The following CADM1 variants were observed in gnomAD, a reference collection of about 807,000 sequenced individuals.
CADM1 encodes cell adhesion molecule 1.
Under a neutral mutation model 53.1 loss-of-function variants are expected in CADM1, and 15 were observed. That is an observed-to-expected ratio of 0.28 (90% CI 0.19 to 0.44). The LOEUF (loss-of-function observed/expected upper bound fraction) is 0.44. Ranked by LOEUF, CADM1 falls within the 20% of genes least tolerant of loss-of-function variation. CADM1 has a pLI of 1.00. For synonymous variants in CADM1, 281 were observed against 243.0 expected (o/e 1.16, Z -1.45); for missense variants, 434 against 611.3 (o/e 0.71, Z 3.06).
intron 1 of CADM1, among the ~76,000 whole-genome samples, chr11:115,410,952 A>C (rs1025014363): frequency 6.6e-6 from 1 of 152,190 alleles, no homozygotes; most frequent in African/African-American, 2.4e-5. Context: ...TAAATGAAAA[A>C]GCATATATAC....
At chr11:115,237,036 C>T (rs1942033280) in intron 3 of CADM1, among the ~76,000 whole-genome samples, 1 of 152,036 alleles carries the variant, frequency 6.6e-6, no homozygotes, top group Non-Finnish European at 1.5e-5. Context: ...TGTGGAAATG[C>T]CATAAACGAT....
chr11:115,496,486 T>TA (rs1167565851), intron 1 of CADM1, among the ~76,000 whole-genome samples: 1 of 152,132 alleles, frequency 6.6e-6, no homozygotes, highest in African/African-American at 2.4e-5. Context: ...AGCTGAAAAG[T>TA]AATAAGAAAT....
intron 1 of CADM1, among the ~76,000 whole-genome samples, chr11:115,341,409 A>G (rs972124962): frequency 1.6e-4 from 25 of 152,214 alleles, no homozygotes; most frequent in African/African-American, 5.3e-4. Flanking sequence ...TTTAAATAGG[A>G]TATTTATTCT....
intron 1 of CADM1, among the ~76,000 whole-genome samples, chr11:115,493,879 G>C (rs372428670): frequency 1.1e-3 from 163 of 152,190 alleles, no homozygotes; most frequent in African/African-American, 3.8e-3. Flanking sequence ...TGGCAAGCAG[G>C]GTAATGGTTC....
chr11:115,190,865 C>T, intron 10 of CADM1, 23 bp downstream of exon 10: 1 of 1,588,072 alleles, frequency 6.3e-7, no homozygotes, highest in South Asian at 1.1e-5. Context: ...ACTGCAGTGC[C>T]TTACCTAATG....
chr11:115,484,231 C>T (rs1362987945), intron 1 of CADM1, among the ~76,000 whole-genome samples: 1 of 152,196 alleles, frequency 6.6e-6, no homozygotes, highest in Admixed American at 6.5e-5. Context: ...GAACCATGCA[C>T]AGTCTTTCTG....
At chr11:115,277,578 A>G (rs1354828265) in intron 1 of CADM1, among the ~76,000 whole-genome samples, 1 of 152,208 alleles carries the variant, frequency 6.6e-6, no homozygotes, top group African/African-American at 2.4e-5. Flanking sequence ...AAGCTCTTCT[A>G]TTCTTCATAA....
At chr11:115,205,247 G>C (rs937866960) in intron 8 of CADM1, among the ~76,000 whole-genome samples, 4 of 151,982 alleles carry the variant, frequency 2.6e-5, no homozygotes, top group Non-Finnish European at 4.4e-5. Context: ...GATGCAACCA[G>C]GTACAAACAA....
At chr11:115,186,085 C>T (rs141707976) in intron 10 of CADM1, among the ~76,000 whole-genome samples, 2 of 152,332 alleles carry the variant, frequency 1.3e-5, no homozygotes, top group East Asian at 3.9e-4. Context: ...CAGCAGGATG[C>T]AGTTCAAACA....
chr11:115,372,611 C>A (rs1946336318), intron 1 of CADM1, among the ~76,000 whole-genome samples: 1 of 152,098 alleles, frequency 6.6e-6, no homozygotes, highest in Non-Finnish European at 1.5e-5. Context: ...AAAAGATTAT[C>A]AAAATTAATG....
At chr11:115,362,509 T>G (rs746081290) in intron 1 of CADM1, among the ~76,000 whole-genome samples, 6 of 152,234 alleles carry the variant, frequency 3.9e-5, no homozygotes. Flanking sequence ...AAAATAGTTT[T>G]AATTAACAGA....
chr11:115,222,284 C>A (rs1182176073), intron 5 of CADM1, among the ~76,000 whole-genome samples: 1 of 152,058 alleles, frequency 6.6e-6, no homozygotes, highest in East Asian at 1.9e-4. Context: ...AACGACAATG[C>A]AAAGATTAAC....
intron 1 of CADM1, among the ~76,000 whole-genome samples, chr11:115,342,512 T>C (rs1945475262): frequency 1.3e-5 from 2 of 152,174 alleles, no homozygotes; most frequent in African/African-American, 4.8e-5. Flanking sequence ...GGCTAGTATA[T>C]GCACTTAAAC....
At position 115,317,983 on chromosome 11, in the gene CADM1, TACACACACAC is replaced by T. The variant is rs35753948; in HGVS notation, c.125-77573_125-77564del. ...TTACATTATACATCCTATTACACAC[TACACACACAC>T]ACACACACACACACACACACACAAT... On this transcript the variant is annotated intron_variant, in intron 1 of 11. Coordinates refer to ENST00000331581, the MANE Select transcript of CADM1 (RefSeq NM_001301043.2). Among the ~76,000 whole-genome samples, 98 of 149,194 alleles carry T rather than the reference TACACACACAC, an allele frequency of 6.6e-4. No individual in the cohort carries two copies. In the Middle Eastern group the frequency reaches 0.01, roughly 16 times the overall value.
intron 1 of CADM1, among the ~76,000 whole-genome samples, chr11:115,277,724 G>A (rs1403124103): frequency 6.6e-6 from 1 of 152,160 alleles, no homozygotes; most frequent in Non-Finnish European, 1.5e-5. Flanking sequence ...AAATGACACT[G>A]ACTAGGCATT....
intron 1 of CADM1, among the ~76,000 whole-genome samples, chr11:115,484,034 A>G (rs1455168380): frequency 3.3e-5 from 5 of 152,236 alleles, no homozygotes; most frequent in Non-Finnish European, 7.3e-5. Context: ...GAGACCAGTC[A>G]TCTCCTAAAG....
chr11:115,428,093 G>C (rs562531459), intron 1 of CADM1, among the ~76,000 whole-genome samples: 1 of 151,662 alleles, frequency 6.6e-6, no homozygotes, highest in South Asian at 2.1e-4. Context: ...CCAAATGTTG[G>C]CAAAGGGCTA....
At chr11:115,331,484 A>G (rs1293168818) in intron 1 of CADM1, among the ~76,000 whole-genome samples, 1 of 152,194 alleles carries the variant, frequency 6.6e-6, no homozygotes, top group African/African-American at 2.4e-5. Flanking sequence ...AGGTAAGCAC[A>G]TTGTTCAGGT....
chr11:115,232,136 G>A lies in CADM1; in HGVS notation c.425-646C>T, dbSNP rs1273362309. 7.2e-5 allele frequency among the ~76,000 whole-genome samples: 11 copies of A among 152,120 alleles called. No individual in the cohort carries two copies. The South Asian group carries it at 8.3e-4, about 11-fold the overall frequency. On this transcript the variant is annotated intron_variant, in intron 3 of 11. Transcript: ENST00000331581. Reference sequence around the variant, plus strand: ...AAGTAGATATAAAAGGGGAGTACATGCTATTGAAATGATCATCCTTACCAG... The same window carrying A: ...AAGTAGATATAAAAGGGGAGTACATACTATTGAAATGATCATCCTTACCAG...
Sources: allele counts gnomAD v4.1 joint callset (sites outside exome capture counted in the v4.1 genomes callset), GRCh38; gene constraint gnomAD v4.1.1; transcripts MANE v1.5; gene names NCBI Gene and HGNC (gene_info 2026-07-23, HGNC 2026-07-21).